The following VDAC1 variants were observed in gnomAD, a reference collection of about 807,000 sequenced individuals.
The protein encoded by VDAC1 is non-selective voltage-gated ion channel VDAC1.
VDAC1 carries 10 observed loss-of-function variants against 34.7 expected under a neutral mutation model. The ratio of observed to expected loss-of-function variants is 0.29; its 90% confidence interval spans 0.18 to 0.49. The LOEUF is 0.49. Ranked by LOEUF, VDAC1 falls within the 20% of genes least tolerant of loss-of-function variation. The pLI is 0.99. For missense variants in VDAC1, 230 were observed against 347.9 expected (o/e 0.66, Z 2.69); for synonymous variants, 130 against 136.0 (o/e 0.96, Z 0.30).
intron 2 of VDAC1, 126 bp from the exon 3 acceptor site, chr5:133,992,481 C>T: frequency 5.1e-6 from 3 of 592,000 alleles, no homozygotes; most frequent in Non-Finnish European, 5.4e-6. Flanking sequence ...GGGCTGAGGG[C>T]ACCCAGTCTC....
the VDAC1 span, among the ~76,000 whole-genome samples, chr5:134,043,203 CA>C: frequency 5.9e-5 from 9 of 152,322 alleles, no homozygotes; most frequent in South Asian, 1.0e-3. Context: ...TTTGACTGTC[CA>C]AGGGTGACCA....
the VDAC1 span, among the ~76,000 whole-genome samples, chr5:134,057,191 A>T: frequency 6.6e-6 from 1 of 151,780 alleles, no homozygotes; most frequent in Non-Finnish European, 1.5e-5. Flanking sequence ...AAAATTAGCC[A>T]AGTGAAGGCT....
the VDAC1 span, among the ~76,000 whole-genome samples, chr5:134,081,741 T>C: frequency 2.6e-5 from 4 of 152,106 alleles, no homozygotes; most frequent in Non-Finnish European, 4.4e-5. Flanking sequence ...ATGATAGTTC[T>C]CAACTTGGGG....
chr5:133,976,593 C>T (rs1752490938), intron 6 of VDAC1, among the ~76,000 whole-genome samples: 1 of 151,070 alleles, frequency 6.6e-6, no homozygotes, highest in South Asian at 2.1e-4. Flanking sequence ...GGCAGCAGGA[C>T]TGCTTGAGCC....
chr5:134,089,024 T>C, the VDAC1 span, among the ~76,000 whole-genome samples: 1 of 152,256 alleles, frequency 6.6e-6, no homozygotes, highest in South Asian at 2.1e-4. Flanking sequence ...GATGCCCTAA[T>C]TCTCAGTTTG....
intron 1 of VDAC1, among the ~76,000 whole-genome samples, chr5:133,998,961 C>T (rs984796062): frequency 3.9e-5 from 6 of 152,160 alleles, no homozygotes; most frequent in African/African-American, 1.4e-4. Context: ...TAAGCACCTA[C>T]CAGGCCCCCG....
chr5:134,109,765 C>T, the VDAC1 span, among the ~76,000 whole-genome samples: 1 of 53,688 alleles, frequency 1.9e-5, no homozygotes, highest in Non-Finnish European at 3.5e-5. Context: ...AGCAAGGCTC[C>T]ATCTCAAAAA....
At chr5:134,046,125 A>G in the VDAC1 span, among the ~76,000 whole-genome samples, 1 of 151,554 alleles carries the variant, frequency 6.6e-6, no homozygotes, top group Non-Finnish European at 1.5e-5. Context: ...TCCCGGGTTC[A>G]CGCCATTCTC....
At chr5:134,053,801 A>G in the VDAC1 span, among the ~76,000 whole-genome samples, 1 of 152,182 alleles carries the variant, frequency 6.6e-6, no homozygotes, top group African/African-American at 2.4e-5. Context: ...CTAAACCACA[A>G]GTCAACAAGT....
the VDAC1 span, among the ~76,000 whole-genome samples, chr5:134,049,081 T>C: frequency 6.6e-6 from 1 of 152,210 alleles, no homozygotes; most frequent in Non-Finnish European, 1.5e-5. Flanking sequence ...TTTACAGATG[T>C]GTAAACTTAG....
chr5:134,105,829 G>A, the VDAC1 span, among the ~76,000 whole-genome samples: 2 of 152,248 alleles, frequency 1.3e-5, no homozygotes, highest in Non-Finnish European at 2.9e-5. Flanking sequence ...GACTTTGGGA[G>A]GTGCCCACAC....
At chr5:134,032,197 A>C in the VDAC1 span, among the ~76,000 whole-genome samples, 1 of 150,674 alleles carries the variant, frequency 6.6e-6, no homozygotes, top group Admixed American at 6.6e-5. Context: ...CAAGGAATGC[A>C]AGGAGTACAG....
chr5:134,062,369 T>C, the VDAC1 span, among the ~76,000 whole-genome samples: 8 of 151,772 alleles, frequency 5.3e-5, no homozygotes, highest in Non-Finnish European at 1.2e-4. Context: ...TATATGATTG[T>C]TCTTCTTTAC....
chr5:134,098,937 C>T, the VDAC1 span, among the ~76,000 whole-genome samples: 5 of 152,216 alleles, frequency 3.3e-5, no homozygotes, highest in African/African-American at 4.8e-5. Context: ...CGAACCTGTT[C>T]AGGAGCAGTG....
At chr5:134,092,591 G>T in the VDAC1 span, among the ~76,000 whole-genome samples, 3 of 151,390 alleles carry the variant, frequency 2.0e-5, no homozygotes, top group African/African-American at 7.3e-5. Context: ...CAGGAGAATC[G>T]CTTGAACCCA....
chr5:134,056,075 C>T, the VDAC1 span, among the ~76,000 whole-genome samples: 1 of 151,888 alleles, frequency 6.6e-6, no homozygotes, highest in African/African-American at 2.4e-5. Flanking sequence ...CCCATCTCTA[C>T]TAAAAAGATA....
the VDAC1 span, among the ~76,000 whole-genome samples, chr5:134,023,907 C>T: frequency 6.6e-6 from 1 of 150,778 alleles, no homozygotes; most frequent in Non-Finnish European, 1.5e-5. Context: ...GCAAGGTAGG[C>T]AGATCACCTG....
chr5:134,079,572 A>G, the VDAC1 span, among the ~76,000 whole-genome samples: 1 of 152,248 alleles, frequency 6.6e-6, no homozygotes, highest in Non-Finnish European at 1.5e-5. Flanking sequence ...TTGCTGAGCC[A>G]GGAATCTGGG....
intron 6 of VDAC1, among the ~76,000 whole-genome samples, chr5:133,978,461 G>A (rs1007924685): frequency 6.6e-5 from 10 of 152,176 alleles, no homozygotes; most frequent in African/African-American, 1.2e-4. Context: ...GAAATTCAGC[G>A]AGACAGACAT....
Sources: gnomAD v4.1 joint callset for allele counts (sites outside exome capture counted in the v4.1 genomes callset) on GRCh38, gnomAD v4.1.1 for gene constraint, MANE v1.5 for transcripts, NCBI Gene and HGNC (gene_info 2026-07-23, HGNC 2026-07-21) for gene names.